The following CEACAM20 variants were observed in gnomAD, a reference collection of about 807,000 sequenced individuals.
CEACAM20 encodes the protein cell adhesion molecule CEACAM20.
A neutral mutation model predicts 61.2 loss-of-function variants in CEACAM20; 50 were observed. The observed-to-expected ratio is 0.82, with a 90% confidence interval of 0.65 to 1.03. The LOEUF is 1.03. CEACAM20 is among the 50% of genes least tolerant of loss of function. CEACAM20 has a pLI of 0.00. For synonymous variants in CEACAM20, 282 were observed against 287.7 expected (o/e 0.98, Z 0.20); for missense variants, 683 against 736.4 (o/e 0.93, Z 0.84).
intron 1 of CEACAM20, among the ~76,000 whole-genome samples, chr19:44,526,027 C>T (rs948064556): frequency 2.0e-5 from 3 of 152,218 alleles, no homozygotes; most frequent in African/African-American, 4.8e-5. Context: ...GCCTGCCAGG[C>T]CCTGAAGACT....
In CEACAM20 at chr19:44,523,235, C is replaced by T. The variant is rs973661165; in HGVS notation, c.473-323G>A. On this transcript the variant is annotated intron_variant, in intron 3 of 11. Coordinates refer to ENST00000614924, the MANE Select transcript of CEACAM20 (RefSeq NM_001102597.3). ...ACCAGTCAGGGCAACATACCAAGAT[C>T]CCATCTCTACAAAAAATTTAAAAAT... 4.6e-5 allele frequency among the ~76,000 whole-genome samples: 7 copies of T among 152,034 alleles called. No homozygotes were observed. In the South Asian group the frequency reaches 8.3e-4, roughly 18 times the overall value.
At chr19:44,524,628 G>A (rs1315530580) in intron 2 of CEACAM20, among the ~76,000 whole-genome samples, 1 of 151,884 alleles carries the variant, frequency 6.6e-6, no homozygotes, top group Non-Finnish European at 1.5e-5. Context: ...CACCCAGGCT[G>A]GAGTGCAGTG....
rs370523022 is a variant in CEACAM20 at position 44,520,729 on chromosome 19, C to T, written c.775G>A (p.Val259Met). 4.2e-5 allele frequency: 68 copies of T among 1,613,316 alleles called. No individual in the cohort carries two copies. The highest frequency in any genetic ancestry group is 3.3e-4 in the African/African-American group (25 of 74,888). The change falls in exon 5 of 12, where the codon GTG (valine) becomes ATG (methionine). Residue 259 changes from valine (V) to methionine (M), a missense_variant. Val to Met is a conservative substitution (Grantham distance 21). Transcript: ENST00000614924. ...VLETLTMPQV[V>M]PSSLNLVENA... is the part of the protein sequence containing the mutation. ...TCCACAAGGTTCAGGCTTGAAGGCA[C>T]GACTTGAGGCATGGTCAGTGTTTCT...
At chr19:44,509,371 A>G (rs55766194) in intron 11 of CEACAM20, among the ~76,000 whole-genome samples, 59,564 of 151,148 alleles carry the variant, frequency 0.39, 12,577 homozygotes, top group South Asian at 0.52. Context: ...TAAAAAAAAA[A>G]CAGAAAAGGG....
chr19:44,514,607 C>A (rs1450999412), intron 6 of CEACAM20, among the ~76,000 whole-genome samples: 1 of 151,990 alleles, frequency 6.6e-6, no homozygotes, highest in Non-Finnish European at 1.5e-5. Context: ...CACTGCCATG[C>A]CTGGCTAATT....
At chr19:44,506,958 C>CT (rs889584157) in intron 11 of CEACAM20, among the ~76,000 whole-genome samples, 2 of 152,148 alleles carry the variant, frequency 1.3e-5, no homozygotes, top group African/African-American at 4.8e-5. Flanking sequence ...TCTTCAGGGC[C>CT]TTTTTTACTG....
intron 2 of CEACAM20, 137 bp from the exon 3 acceptor site, chr19:44,524,398 T>C: frequency 1.1e-6 from 1 of 908,912 alleles, no homozygotes; most frequent in Non-Finnish European, 1.7e-6. Context: ...TGCCTGGGCT[T>C]GAATGCTGGA....
intron 11 of CEACAM20, among the ~76,000 whole-genome samples, chr19:44,507,219 G>A (rs1408648017): frequency 1.3e-5 from 2 of 152,188 alleles, no homozygotes; most frequent in African/African-American, 4.8e-5. Flanking sequence ...AGCTTACTAG[G>A]TGGTATTTCT....
At chr19:44,514,704 C>A (rs972819276) in intron 6 of CEACAM20, among the ~76,000 whole-genome samples, 5 of 152,050 alleles carry the variant, frequency 3.3e-5, no homozygotes, top group African/African-American at 1.2e-4. Context: ...GGTGATCCAC[C>A]CTCCTCGACC....
chr19:44,525,771 A>C (rs1399987286), intron 1 of CEACAM20, among the ~76,000 whole-genome samples: 2 of 152,036 alleles, frequency 1.3e-5, no homozygotes, highest in Non-Finnish European at 2.9e-5. Flanking sequence ...TCTGAGCCTC[A>C]ATCTCCTCAA....
intron 1 of CEACAM20, among the ~76,000 whole-genome samples, chr19:44,525,718 C>T (rs1254759036): frequency 6.6e-6 from 1 of 152,320 alleles, no homozygotes; most frequent in South Asian, 2.1e-4. Context: ...GCTGGAATTA[C>T]AGGCATGAGC....
intron 5 of CEACAM20, among the ~76,000 whole-genome samples, chr19:44,517,455 T>C (rs1568451979): frequency 6.6e-6 from 1 of 152,016 alleles, no homozygotes; most frequent in Non-Finnish European, 1.5e-5. Context: ...CCCAGCACTT[T>C]GGAAGGCCGA....
intron 5 of CEACAM20, among the ~76,000 whole-genome samples, chr19:44,517,634 T>G (rs887217633): frequency 4.6e-5 from 7 of 150,766 alleles, no homozygotes; most frequent in African/African-American, 1.7e-4. Flanking sequence ...GTGGTGGAGG[T>G]TGCAGTGAGC....
Position 44,510,948 on chromosome 19 carries a change from T to A in CEACAM20, c.1737+82A>T. ...GGAAATTTTTCTTCATAGTTCATCCTACAGACTCTTTAGTAGGGAAGAAAA... is the reference window on the plus strand; with the variant it reads ...GGAAATTTTTCTTCATAGTTCATCCAACAGACTCTTTAGTAGGGAAGAAAA... On this transcript the variant is annotated intron_variant, in intron 11 of 11. Coordinates refer to ENST00000614924, the MANE Select transcript of CEACAM20 (RefSeq NM_001102597.3). The A allele has an allele frequency of 2.6e-6, 4 of 1,554,708 alleles. No homozygotes were observed. In the Admixed American group the frequency reaches 7.4e-5, roughly 29 times the overall value.
rs1435876864 is a variant in CEACAM20 at position 44,511,630 on chromosome 19, A to G, written c.1611+7T>C. 1 of 1,612,424 alleles carries G rather than the reference A, an allele frequency of 6.2e-7. No homozygotes were observed. The highest frequency in any genetic ancestry group is 8.5e-7 in the Non-Finnish European group (1 of 1,179,346). ...TTCTTTAACCAAACCCAGCAGGGCC[A>G]ATGTACCTCATAGGTCTCCTCTGGA... On this transcript the variant is annotated splice_region_variant and intron_variant, in intron 10 of 11. Coordinates refer to ENST00000614924, the MANE Select transcript of CEACAM20 (RefSeq NM_001102597.3).
intron 7 of CEACAM20, 21 bp downstream of exon 7, chr19:44,513,151 C>G (rs779016364): frequency 2.7e-5 from 42 of 1,578,506 alleles, no homozygotes; most frequent in Non-Finnish European, 3.5e-5. Context: ...CCCCATCCCC[C>G]TCCCTGTATC....
At position 44,516,424 on chromosome 19, in the gene CEACAM20, AT is replaced by A. The variant is rs550987773; in HGVS notation, c.1309+521del. Among the ~76,000 whole-genome samples, 11 of 152,292 alleles carry A rather than the reference AT, an allele frequency of 7.2e-5. No individual in the cohort carries two copies. The East Asian group carries it at 1.7e-3, about 24-fold the overall frequency. Reference sequence around the variant, plus strand: ...GGACCTGGTGGGAGATAATTGAATCATGGGGGTGGTTTCCCCCATACTGTTC... The same window carrying A: ...GGACCTGGTGGGAGATAATTGAATCAGGGGGTGGTTTCCCCCATACTGTTC... On this transcript the variant is annotated intron_variant, in intron 6 of 11. Coordinates refer to ENST00000614924, the MANE Select transcript of CEACAM20 (RefSeq NM_001102597.3).
At chr19:44,513,137 C>T (rs949382516) in intron 7 of CEACAM20, 35 bp downstream of exon 7, 20 of 1,525,832 alleles carry the variant, frequency 1.3e-5, no homozygotes, top group Non-Finnish European at 1.8e-5. Context: ...GGCCACATCC[C>T]CATCCCCATC....
chr19:44,513,536 A>G (rs1971072981), intron 6 of CEACAM20, among the ~76,000 whole-genome samples: 1 of 147,834 alleles, frequency 6.8e-6, no homozygotes, highest in South Asian at 2.1e-4. Context: ...CTCCAGGTTC[A>G]AGTGATCCTC....
Sources: gnomAD v4.1 joint callset for allele counts (sites outside exome capture counted in the v4.1 genomes callset) on GRCh38, gnomAD v4.1.1 for gene constraint, MANE v1.5 for transcripts, NCBI Gene and HGNC (gene_info 2026-07-23, HGNC 2026-07-21) for gene names.